The following ZFPM2 variants were observed in gnomAD, a reference collection of about 807,000 sequenced individuals.
The protein encoded by ZFPM2 is zinc finger protein, FOG family member 2.
ZFPM2 carries 20 observed loss-of-function variants against 98.6 expected under a neutral mutation model. That is an observed-to-expected ratio of 0.20 (90% CI 0.14 to 0.29). ZFPM2 has a LOEUF of 0.29. Among genes scored for constraint, ZFPM2 ranks in the 10% least tolerant of loss-of-function variants. The pLI is 1.00. For synonymous variants in ZFPM2, 518 were observed against 502.7 expected (o/e 1.03, Z -0.41); for missense variants, 1,310 against 1,388.6 (o/e 0.94, Z 0.90).
At chr8:105,645,565 G>T (rs1586170790) in intron 5 of ZFPM2, among the ~76,000 whole-genome samples, 2 of 152,214 alleles carry the variant, frequency 1.3e-5, no homozygotes, top group Non-Finnish European at 2.9e-5. Flanking sequence ...GAATGACAAG[G>T]CTCATAAATT....
chr8:105,408,442 A>C (rs1811507636), intron 1 of ZFPM2, among the ~76,000 whole-genome samples: 1 of 151,848 alleles, frequency 6.6e-6, no homozygotes, highest in South Asian at 2.1e-4. Flanking sequence ...TGTTATAATT[A>C]GAGCGGATTG....
At chr8:105,753,197 A>C (rs905765335) in intron 5 of ZFPM2, among the ~76,000 whole-genome samples, 1 of 152,276 alleles carries the variant, frequency 6.6e-6, no homozygotes, top group East Asian at 1.9e-4. Flanking sequence ...TTTGTTACAT[A>C]ATGATATGCT....
intron 5 of ZFPM2, among the ~76,000 whole-genome samples, chr8:105,664,811 A>G (rs1817459554): frequency 6.6e-6 from 1 of 152,190 alleles, no homozygotes; most frequent in South Asian, 2.1e-4. Context: ...ATGTTTTGGA[A>G]GAGTATAAAG....
intron 5 of ZFPM2, among the ~76,000 whole-genome samples, chr8:105,650,045 G>T (rs937966620): frequency 2.0e-5 from 3 of 152,012 alleles, no homozygotes; most frequent in African/African-American, 7.3e-5. Context: ...ATTAATTATT[G>T]CCTCAATTTC....
intron 1 of ZFPM2, among the ~76,000 whole-genome samples, chr8:105,342,469 C>T (rs561820654): frequency 3.3e-5 from 5 of 152,010 alleles, no homozygotes; most frequent in South Asian, 4.1e-4. Context: ...TCAGAGCAGA[C>T]GGATTCAAGA....
At position 105,803,593 on chromosome 8, in the gene ZFPM2, AGTCC is replaced by A; in HGVS notation, c.*56_*59del. ...CAGTGTTTAGTATGTTGTTCTAACC[AGTCC>A]AGAAAAAAAAATAAGCTGTTTGAAT... On this transcript the variant is annotated 3_prime_UTR_variant, in exon 8 of 8. Transcript: ENST00000407775. 2.0e-6 allele frequency: 3 copies of A among 1,514,014 alleles called. No individual in the cohort carries two copies. Among genetic ancestry groups the A allele is most frequent in the Middle Eastern group, 2.2e-4 (1 of 4,530 alleles). The allele number at this position is 1,514,014 out of a possible 1,614,324, so 93.8% of individuals were successfully genotyped here. A position where few individuals can be genotyped will look rare whatever the true frequency, so the allele number is the denominator to read the frequency against.
At chr8:105,330,569 CAT>C (rs56134125) in intron 1 of ZFPM2, among the ~76,000 whole-genome samples, 171 of 52,630 alleles carry the variant, frequency 3.2e-3, no homozygotes, top group Middle Eastern at 0.011. Context: ...TATATATATA[CAT>C]ATATATATAC....
chr8:105,510,285 A>C (rs1159719672), intron 3 of ZFPM2, among the ~76,000 whole-genome samples: 1 of 152,192 alleles, frequency 6.6e-6, no homozygotes, highest in Non-Finnish European at 1.5e-5. Flanking sequence ...GTTTTTGAAC[A>C]ATTTACATTT....
intron 6 of ZFPM2, among the ~76,000 whole-genome samples, chr8:105,794,801 C>G (rs770741795): frequency 6.6e-6 from 1 of 152,232 alleles, no homozygotes; most frequent in Admixed American, 6.5e-5. Flanking sequence ...GCCCCTCCCC[C>G]AGCCTCGCTG....
At chr8:105,388,585 C>A (rs1811046923) in intron 1 of ZFPM2, among the ~76,000 whole-genome samples, 1 of 152,056 alleles carries the variant, frequency 6.6e-6, no homozygotes, top group Admixed American at 6.6e-5. Flanking sequence ...TACATGCGGG[C>A]AGTAGAAAAC....
chr8:105,584,437 G>A (rs1815669478), intron 4 of ZFPM2, among the ~76,000 whole-genome samples: 2 of 152,100 alleles, frequency 1.3e-5, no homozygotes, highest in African/African-American at 4.8e-5. Context: ...GAAAGGATGA[G>A]TAGGGGGTTT....
At chr8:105,659,143 G>A (rs1452397302) in intron 5 of ZFPM2, among the ~76,000 whole-genome samples, 2 of 152,022 alleles carry the variant, frequency 1.3e-5, no homozygotes, top group Non-Finnish European at 1.5e-5. Context: ...ATTAGTTAAA[G>A]CAGAAAGAAC....
At chr8:105,770,785 G>T (rs1412913115) in intron 5 of ZFPM2, among the ~76,000 whole-genome samples, 8 of 152,088 alleles carry the variant, frequency 5.3e-5, no homozygotes, top group Admixed American at 5.2e-4. Flanking sequence ...CAAACATCAA[G>T]CAATCAAAGG....
chr8:105,686,404 G>A (rs991952194), intron 5 of ZFPM2, among the ~76,000 whole-genome samples: 4 of 151,958 alleles, frequency 2.6e-5, no homozygotes, highest in African/African-American at 7.3e-5. Flanking sequence ...AACCCTAGTA[G>A]CATTTTTTTG....
At chr8:105,634,750 C>T (rs1816816379) in intron 5 of ZFPM2, among the ~76,000 whole-genome samples, 1 of 152,114 alleles carries the variant, frequency 6.6e-6, no homozygotes, top group Admixed American at 6.5e-5. Context: ...GGTGCATGGT[C>T]CAAGAGGCTC....
At chr8:105,464,828 T>C (rs1812768244) in intron 3 of ZFPM2, among the ~76,000 whole-genome samples, 1 of 151,958 alleles carries the variant, frequency 6.6e-6, no homozygotes, top group Admixed American at 6.6e-5. Context: ...TCCAACTGTA[T>C]TGAAAGCACC....
At chr8:105,742,970 A>G (rs1425330028) in intron 5 of ZFPM2, among the ~76,000 whole-genome samples, 2 of 152,106 alleles carry the variant, frequency 1.3e-5, no homozygotes, top group East Asian at 3.9e-4. Flanking sequence ...GAGAGAATAC[A>G]GGAGATAATG....
chr8:105,344,135 T>C (rs955544287), intron 1 of ZFPM2, among the ~76,000 whole-genome samples: 18 of 152,144 alleles, frequency 1.2e-4, no homozygotes, highest in African/African-American at 3.9e-4. Context: ...CCCGCCCCCA[T>C]GATCCAATTA....
At chr8:105,490,341 A>T (rs1181814451) in intron 3 of ZFPM2, among the ~76,000 whole-genome samples, 1 of 152,208 alleles carries the variant, frequency 6.6e-6, no homozygotes, top group African/African-American at 2.4e-5. Context: ...AGATGGTGTT[A>T]TCTTTTATAA....
Sources: gnomAD v4.1 joint callset for allele counts (sites outside exome capture counted in the v4.1 genomes callset) on GRCh38, gnomAD v4.1.1 for gene constraint, MANE v1.5 for transcripts, NCBI Gene and HGNC (gene_info 2026-07-23, HGNC 2026-07-21) for gene names.